The following PIK3C3 variants were observed in gnomAD, a reference collection of about 807,000 sequenced individuals.
PIK3C3 encodes the protein PI3-kinase type 3.
In PIK3C3, 95 loss-of-function variants were observed where a neutral mutation model predicts 126.1. That is an observed-to-expected ratio of 0.75 (90% CI 0.64 to 0.89). The LOEUF (loss-of-function observed/expected upper bound fraction) is 0.89. Among genes scored for constraint, PIK3C3 ranks in the 40% least tolerant of loss-of-function variants. PIK3C3 has a pLI of 0.00. For missense variants in PIK3C3, 829 were observed against 1,063.2 expected (o/e 0.78, Z 3.06); for synonymous variants, 374 against 360.0 (o/e 1.04, Z -0.44).
At position 42,064,606 on chromosome 18, in the gene PIK3C3, G is replaced by C. The variant is rs1598948446; in HGVS notation, c.2433-134G>C. On this transcript the variant is annotated intron_variant, in intron 22 of 24. Transcript: ENST00000262039. Reference sequence around the variant, plus strand: ...GGCTTGCATTTCATTGATACCAACTGATGAATTTTCTGCTGGAATAATAGT... The same window carrying C: ...GGCTTGCATTTCATTGATACCAACTCATGAATTTTCTGCTGGAATAATAGT... 9 of 581,998 alleles carry C rather than the reference G, an allele frequency of 1.5e-5. No individual in the cohort carries two copies. The East Asian group carries it at 2.5e-4, about 16-fold the overall frequency. 36.1% of individuals were successfully genotyped at this position (581,998 alleles called of 1,614,324 possible). A position where few individuals can be genotyped will look rare whatever the true frequency, so the allele number is the denominator to read the frequency against.
intron 12 of PIK3C3, among the ~76,000 whole-genome samples, chr18:42,016,001 G>C (rs1039228083): frequency 1.3e-5 from 2 of 152,134 alleles, no homozygotes; most frequent in African/African-American, 4.8e-5. Flanking sequence ...AAACAGGCCT[G>C]TTAGACTAGT....
At position 42,043,720 on chromosome 18, in the gene PIK3C3, A is replaced by G. The variant is rs913450354; in HGVS notation, c.2104-13A>G. The G allele has an allele frequency of 1.1e-5, 18 of 1,566,632 alleles. No individual in the cohort carries two copies. In the South Asian group the frequency reaches 1.8e-4, roughly 15 times the overall value. Reference sequence around the variant, plus strand: ...GTACTTAATTCTAAAACATGTAAATAATGTCTTTTCAGAACTTTTTTAGAA... The same window carrying G: ...GTACTTAATTCTAAAACATGTAAATGATGTCTTTTCAGAACTTTTTTAGAA... On this transcript the variant is annotated splice_polypyrimidine_tract_variant and intron_variant, in intron 19 of 24. Coordinates refer to ENST00000262039, the MANE Select transcript of PIK3C3 (RefSeq NM_002647.4).
chr18:42,013,523 A>T lies in PIK3C3; in HGVS notation c.1252A>T (p.Thr418Ser), dbSNP rs763146696. Reference sequence around the variant, plus strand: ...TGATATAAAGAATGGATTGGAACCTACCAAGAAGGATAGTCAGAGTTCAGT... The same window carrying T: ...TGATATAAAGAATGGATTGGAACCTTCCAAGAAGGATAGTCAGAGTTCAGT... ...FDDIKNGLEP[T>S]KKDSQSSVSE... The change falls in exon 11 of 25, where the codon ACC becomes TCC. Residue 418 changes from threonine (T) to serine (S), a missense_variant. Thr to Ser is a moderately conservative substitution (Grantham distance 58, BLOSUM62 1). Around this residue, in one of 4 missense-constraint regions of PIK3C3, gnomAD observed 256 missense variants for 291.0 expected, o/e 0.88. Coordinates refer to ENST00000262039, the MANE Select transcript of PIK3C3 (RefSeq NM_002647.4). 1 of 1,600,494 alleles carries T rather than the reference A, an allele frequency of 6.2e-7. No homozygotes were observed. The highest frequency in any genetic ancestry group is 1.1e-5 in the South Asian group (1 of 89,578).
intron 20 of PIK3C3, among the ~76,000 whole-genome samples, chr18:42,044,798 G>A (rs1598927247): frequency 6.6e-6 from 1 of 152,246 alleles, no homozygotes; most frequent in Admixed American, 6.5e-5. Flanking sequence ...CACTAGAGTT[G>A]AGCCCTGAAT....
At chr18:42,047,547 C>A (rs1043282129) in intron 20 of PIK3C3, among the ~76,000 whole-genome samples, 1 of 151,986 alleles carries the variant, frequency 6.6e-6, no homozygotes, top group Non-Finnish European at 1.5e-5. Context: ...ATCTGTGGAC[C>A]CACAGTATTG....
In PIK3C3 at chr18:42,010,764, C is replaced by G. The variant is rs147393241; in HGVS notation, c.1171-2678C>G. On this transcript the variant is annotated intron_variant, in intron 10 of 24. Transcript: ENST00000262039. ...GAAGCTCAAATGTTCTTAATGACATCTAGAATGATGAATCCTTTCCAGAAG... is the reference window on the plus strand; with the variant it reads ...GAAGCTCAAATGTTCTTAATGACATGTAGAATGATGAATCCTTTCCAGAAG... 2.6e-5 allele frequency among the ~76,000 whole-genome samples: 4 copies of G among 152,290 alleles called. No homozygotes were observed. In the East Asian group the frequency reaches 7.7e-4, roughly 29 times the overall value.
intron 19 of PIK3C3, among the ~76,000 whole-genome samples, chr18:42,043,211 GC>G (rs2144477865): frequency 6.6e-6 from 1 of 151,416 alleles, no homozygotes; most frequent in South Asian, 2.1e-4. Context: ...CAATTCTCCT[GC>G]CTCAGCCTCC....
At chr18:42,043,587 C>G in intron 19 of PIK3C3, 146 bp from the exon 20 acceptor site, 1 of 521,410 alleles carries the variant, frequency 1.9e-6, no homozygotes, top group Non-Finnish European at 3.5e-6. Context: ...CGCACTCTTA[C>G]AATTCTTTTG....
Position 42,029,393 on chromosome 18 carries a change from G to A in PIK3C3, c.1659G>A (p.Val553=). Residue 553 remains valine, a synonymous_variant, in exon 15 of 25, where the codon GTG becomes GTA. Transcript: ENST00000262039. The part of the protein sequence containing the change: ...AAQQTFVDRL[V]HLMKAVQRES... ...AACAGACATTTGTAGATCGGTTGGT[G>A]CATCTAATGAAGGCAGTACAACGCG... 1 of 1,613,662 alleles carries A rather than the reference G, an allele frequency of 6.2e-7. No individual in the cohort carries two copies. The highest frequency in any genetic ancestry group is 8.5e-7 in the Non-Finnish European group (1 of 1,179,674).
Position 42,068,949 on chromosome 18 carries a change from CAAAA to C in PIK3C3, c.2649+1452_2649+1455del, listed in dbSNP as rs35657662. On this transcript the variant is annotated intron_variant, in intron 24 of 24. Coordinates refer to ENST00000262039, the MANE Select transcript of PIK3C3 (RefSeq NM_002647.4). The stretch of plus-strand genomic sequence containing the variant: ...TGGGCAACAGAGCGAGACTCCGTCT[CAAAA>C]AAAAAAAAAAAAAAAGAAATAGATA... 9.7e-5 allele frequency among the ~76,000 whole-genome samples: 8 copies of C among 82,240 alleles called. No homozygotes were observed. In the South Asian group the frequency reaches 1.2e-3, roughly 12 times the overall value. The allele number at this position is 82,240 out of a possible 152,430, so 54.0% of individuals were successfully genotyped here. A position where few individuals can be genotyped will look rare whatever the true frequency, so the allele number is the denominator to read the frequency against.
chr18:42,042,814 T>C (rs1369702595), intron 19 of PIK3C3, among the ~76,000 whole-genome samples: 1 of 152,212 alleles, frequency 6.6e-6, no homozygotes, highest in Non-Finnish European at 1.5e-5. Flanking sequence ...TGTTTCTCCT[T>C]GCTACATGTC....
chr18:41,969,353 A>G (rs1431891981), intron 3 of PIK3C3, among the ~76,000 whole-genome samples: 1 of 152,236 alleles, frequency 6.6e-6, no homozygotes, highest in African/African-American at 2.4e-5. Context: ...CCGCATTAAC[A>G]GAAGAACATC....
rs1380208670 is a variant in PIK3C3, at chr18:41,990,505, G to T, written c.665G>T (p.Arg222Leu). The change falls in exon 6 of 25, where the codon CGA becomes CTA. Residue 222 changes from arginine (R) to leucine (L), a missense_variant. Physicochemically the swap from Arg to Leu is moderately radical, Grantham distance 102. Coordinates refer to ENST00000262039, the MANE Select transcript of PIK3C3 (RefSeq NM_002647.4). ...SNFMYLMVEF[R>L]CVKCDDKEYG... The stretch of plus-strand genomic sequence containing the variant: ...TTCATGTACCTGATGGTTGAATTTC[G>T]ATGTGTCAAGTGTGATGATAAGGAA... 6.2e-7 allele frequency: 1 copy of T among 1,603,758 alleles called. No individual in the cohort carries two copies.
chr18:42,081,377 T>C lies in PIK3C3; in HGVS notation c.*240T>C. On this transcript the variant is annotated 3_prime_UTR_variant, in exon 25 of 25. Coordinates refer to ENST00000262039, the MANE Select transcript of PIK3C3 (RefSeq NM_002647.4). ...TATATTTTTTCAAATGTATACATTG[T>C]TAATAAATTAAGAAATGAGAAACAT... 1 of 388,328 alleles carries C rather than the reference T, an allele frequency of 2.6e-6. No individual in the cohort carries two copies. The highest frequency in any genetic ancestry group is 4.6e-6 in the Non-Finnish European group (1 of 215,762). 24.1% of individuals were successfully genotyped at this position (388,328 alleles called of 1,614,324 possible).
chr18:42,077,135 A>G (rs1986062580), intron 24 of PIK3C3, among the ~76,000 whole-genome samples: 1 of 152,242 alleles, frequency 6.6e-6, no homozygotes, highest in Non-Finnish European at 1.5e-5. Context: ...TATGTCTTTA[A>G]AAACTATGTG....
rs1598854848 is a variant in PIK3C3 at position 41,971,315 on chromosome 18, C to CT, written c.531+861dup. The CT allele has an allele frequency of 2.0e-5, 3 of 152,142 alleles. No individual in the cohort carries two copies. The East Asian group carries it at 5.8e-4, about 29-fold the overall frequency. The allele number at this position is 152,142 out of a possible 1,614,324, so 9.4% of individuals were successfully genotyped here. On this transcript the variant is annotated intron_variant, in intron 4 of 24. Coordinates refer to ENST00000262039, the MANE Select transcript of PIK3C3 (RefSeq NM_002647.4). Reference sequence around the variant, plus strand: ...AGTTTTGTTGCTAAGCTTTTAACAGCTTGTTGCCTTTACCCACATATAGAA... The same window carrying CT: ...AGTTTTGTTGCTAAGCTTTTAACAGCTTTGTTGCCTTTACCCACATATAGAA...
chr18:42,031,612 G>A (rs1036798549), intron 15 of PIK3C3, among the ~76,000 whole-genome samples: 1 of 152,006 alleles, frequency 6.6e-6, no homozygotes, highest in African/African-American at 2.4e-5. Context: ...AGATGGGGGG[G>A]TTTCACTCTG....
At chr18:41,963,277 G>C (rs552162591) in intron 3 of PIK3C3, among the ~76,000 whole-genome samples, 1 of 152,320 alleles carries the variant, frequency 6.6e-6, no homozygotes, top group South Asian at 2.1e-4. Context: ...AGGAAAGACA[G>C]ATAAATATTT....
Position 41,962,618 on chromosome 18 carries a change from C to G in PIK3C3, c.387C>G (p.Leu129=). ...AVPVGGTTVS[L]FGKYGMFRQG... ...CTGTAGGAGGAACAACGGTTTCGCTCTTTGGAAAATACGGGTAAGCATTCT... is the reference window on the plus strand; with the variant it reads ...CTGTAGGAGGAACAACGGTTTCGCTGTTTGGAAAATACGGGTAAGCATTCT... Residue 129 remains leucine, a synonymous_variant, in exon 3 of 25, where the codon CTC becomes CTG. Transcript: ENST00000262039. 6.2e-7 allele frequency: 1 copy of G among 1,610,712 alleles called. No individual in the cohort carries two copies. The highest frequency in any genetic ancestry group is 8.5e-7 in the Non-Finnish European group (1 of 1,177,958).
Sources: gnomAD v4.1 joint callset for allele counts (sites outside exome capture counted in the v4.1 genomes callset) on GRCh38, gnomAD v4.1.1 for gene constraint, gnomAD v4.1.1 regional missense constraint, MANE v1.5 for transcripts, NCBI Gene and HGNC (gene_info 2026-07-23, HGNC 2026-07-21) for gene names.